The following KIF24 variants were observed in gnomAD, a reference collection of about 807,000 sequenced individuals.
KIF24 encodes kinesin-like protein KIF24.
Under a neutral mutation model 118.9 loss-of-function variants are expected in KIF24, and 81 were observed. The ratio of observed to expected loss-of-function variants is 0.68; its 90% CI spans 0.57 to 0.82. The LOEUF (loss-of-function observed/expected upper bound fraction) is 0.82, where lower values mean the gene tolerates loss of function less well. Among genes scored for constraint, KIF24 ranks in the 40% least tolerant of loss-of-function variants. KIF24 has a pLI of 0.00. For missense variants in KIF24, 1,560 were observed against 1,661.6 expected, an observed-to-expected ratio of 0.94 and a Z score of 1.06; for synonymous variants, 599 against 610.0, an observed-to-expected ratio of 0.98 and a Z score of 0.27.
chr9:34,272,117 C>A (rs1050819401), intron 6 of KIF24, among the ~76,000 whole-genome samples, 187 bp from the exon 7 acceptor site: 4 of 152,172 alleles, frequency 2.6e-5, no homozygotes, highest in Non-Finnish European at 5.9e-5. Flanking sequence ...ACAATGAAAA[C>A]AATGTGAAAT....
At chr9:34,274,996 T>TG (rs771868789) in intron 6 of KIF24, among the ~76,000 whole-genome samples, 13 of 152,124 alleles carry the variant, frequency 8.5e-5, no homozygotes, top group African/African-American at 1.4e-4. Flanking sequence ...CCACAGAGGC[T>TG]GGGAAGGGTA....
In KIF24 at chr9:34,318,548, G is replaced by A. The variant is rs777296960; in HGVS notation, c.-25-7177C>T. 14 of 1,093,018 alleles carry A rather than the reference G, an allele frequency of 1.3e-5. No homozygotes were observed. The highest frequency in any genetic ancestry group is 3.7e-5 in the Admixed American group (2 of 53,598). 67.7% of individuals were successfully genotyped at this position (1,093,018 alleles called of 1,614,324 possible). ...AGCCACGCTGGCCGAACACAGCGCCGGCCTGGCCTTCAGCCTGTACCAGGC... is the reference window on the plus strand; with the variant it reads ...AGCCACGCTGGCCGAACACAGCGCCAGCCTGGCCTTCAGCCTGTACCAGGC... On this transcript the variant is annotated intron_variant, in intron 1 of 12. Transcript: ENST00000402558. This position sits in a 1 kb window ranked among gnomAD's most constrained non-coding sequence, Gnocchi z 4.9.
At chr9:34,319,755 C>T (rs1837454582) in intron 1 of KIF24, 4 of 620,906 alleles carry the variant, frequency 6.4e-6, no homozygotes, top group Non-Finnish European at 1.2e-5. Context: ...AGCTTGGATA[C>T]TCCATGGGTG....
intron 4 of KIF24, among the ~76,000 whole-genome samples, chr9:34,291,422 C>T (rs1836250324): frequency 6.6e-6 from 1 of 152,216 alleles, no homozygotes; most frequent in South Asian, 2.1e-4. Flanking sequence ...CTTCACTTTT[C>T]TCTGTGCCTC....
At chr9:34,276,954 T>TGGTTTAAATGG (rs1351747187) in intron 6 of KIF24, among the ~76,000 whole-genome samples, 1 of 152,240 alleles carries the variant, frequency 6.6e-6, no homozygotes, top group African/African-American at 2.4e-5. Context: ...CTGGTTTAAA[T>TGGTTTAAATGG]GCACTTTCTG....
chr9:34,318,331 C>G lies in KIF24; in HGVS notation c.-25-6960G>C. 9 of 564,694 alleles carry G rather than the reference C, an allele frequency of 1.6e-5. No homozygotes were observed. The East Asian group carries it at 1.8e-4, about 11-fold the overall frequency. The allele number at this position is 564,694 out of a possible 1,614,324, so 35.0% of individuals were successfully genotyped here. ...GACTCCCGTCTTGGAGCCAGCCCAG[C>G]CCAACCCAGCCCAACCCAGCTTGAC... On this transcript the variant is annotated intron_variant, in intron 1 of 12. Coordinates refer to ENST00000402558, the MANE Select transcript of KIF24 (RefSeq NM_194313.4). This position sits in a 1 kb window ranked among gnomAD's most constrained non-coding sequence, Gnocchi z 4.9.
chr9:34,306,085 C>G, intron 3 of KIF24, among the ~76,000 whole-genome samples, 167 bp downstream of exon 3: 1 of 152,114 alleles, frequency 6.6e-6, no homozygotes, highest in Non-Finnish European at 1.5e-5. Flanking sequence ...CCCTGGATAT[C>G]AATGACTTAA....
At chr9:34,260,246 C>A (rs931710523) in intron 9 of KIF24, among the ~76,000 whole-genome samples, 2 of 152,016 alleles carry the variant, frequency 1.3e-5, no homozygotes, top group Non-Finnish European at 2.9e-5. Flanking sequence ...AGGACTTTAT[C>A]CTAAGGAGAT....
At chr9:34,285,604 T>C (rs1178165765) in intron 6 of KIF24, among the ~76,000 whole-genome samples, 4 of 151,270 alleles carry the variant, frequency 2.6e-5, no homozygotes, top group Admixed American at 1.3e-4. Context: ...GAAACCCCGT[T>C]TCTACTAAAA....
chr9:34,296,298 G>A lies in KIF24; in HGVS notation c.911+719C>T, dbSNP rs113177003. Reference sequence around the variant, plus strand: ...TCCCAGTACTTTGGGAGGCCGAGGCGGGCGGATCACGAGGTCAGGAGATGG... The same window carrying A: ...TCCCAGTACTTTGGGAGGCCGAGGCAGGCGGATCACGAGGTCAGGAGATGG... On this transcript the variant is annotated intron_variant, in intron 4 of 12. Transcript: ENST00000402558. Among the ~76,000 whole-genome samples, 305 of 148,506 alleles carry A rather than the reference G, an allele frequency of 2.1e-3. 2 individuals are homozygous for A. The highest frequency in any genetic ancestry group is 6.7e-3 in the African/African-American group (272 of 40,364).
chr9:34,291,681 T>C (rs1316728301), intron 4 of KIF24, among the ~76,000 whole-genome samples: 14 of 152,216 alleles, frequency 9.2e-5, no homozygotes, highest in Admixed American at 9.2e-4. Flanking sequence ...ATCTGAGTGT[T>C]GTGGGATTCA....
chr9:34,287,981 C>A (rs1264882327), intron 5 of KIF24, among the ~76,000 whole-genome samples: 3 of 151,620 alleles, frequency 2.0e-5, no homozygotes, highest in Non-Finnish European at 4.4e-5. Flanking sequence ...ATTTCCCAGG[C>A]CTTAATCTCT....
Position 34,329,223 on chromosome 9 carries a change from G to A in KIF24, c.-143C>T, listed in dbSNP as rs1171171355. Among the ~76,000 whole-genome samples the A allele has an allele frequency of 1.3e-5, 2 of 152,242 alleles. No homozygotes were observed. The highest frequency in any genetic ancestry group is 2.4e-5 in the African/African-American group (1 of 41,468). On this transcript the variant is annotated 5_prime_UTR_variant, in exon 1 of 13. Transcript: ENST00000402558. The stretch of plus-strand genomic sequence containing the variant: ...GTCAACCCGGGAGCCACCGGCGGCG[G>A]CCAGGCCGCATCTCCATGGCAACGC...
chr9:34,262,675 A>AATATATATATATATATATATATAT (rs1428160924), intron 9 of KIF24, among the ~76,000 whole-genome samples: 4 of 27,066 alleles, frequency 1.5e-4, no homozygotes, highest in Non-Finnish European at 2.3e-4. Context: ...AAAAAAAAAA[A>AATATATATATATATATATATATAT]ATATATATAT....
intron 1 of KIF24, among the ~76,000 whole-genome samples, chr9:34,315,425 T>C (rs1163664837): frequency 6.6e-6 from 1 of 152,170 alleles, no homozygotes; most frequent in Non-Finnish European, 1.5e-5. Context: ...GTTACAGCCA[T>C]AAAAACAATC....
At chr9:34,304,754 C>G (rs1306162885) in intron 3 of KIF24, among the ~76,000 whole-genome samples, 1 of 152,068 alleles carries the variant, frequency 6.6e-6, no homozygotes, top group Admixed American at 6.6e-5. Flanking sequence ...CTGTGAAACA[C>G]AATTTTGGTA....
intron 1 of KIF24, among the ~76,000 whole-genome samples, chr9:34,321,010 GAAATA>G (rs1241276402): frequency 4.6e-5 from 7 of 152,064 alleles, no homozygotes; most frequent in African/African-American, 1.7e-4. Flanking sequence ...ATCCTTCTTA[GAAATA>G]GATTAACATA....
At chr9:34,308,251 A>G (rs1228297866) in intron 2 of KIF24, among the ~76,000 whole-genome samples, 2 of 151,518 alleles carry the variant, frequency 1.3e-5, no homozygotes, top group Admixed American at 6.6e-5. Flanking sequence ...TGCAGGCATG[A>G]GCCACTGTGC....
rs144329509 is a variant in KIF24 at position 34,275,708 on chromosome 9, T to G, written c.1216-3778A>C. 8.8e-3 allele frequency among the ~76,000 whole-genome samples: 1,337 copies of G among 151,908 alleles called. 24 individuals carry two copies. The highest frequency in any genetic ancestry group is 0.03 in the African/African-American group (1,245 of 41,438). ...ACAAAAAACTAGCTGGGCATGGTGA[T>G]GCACGCCTGTAGTCCCAGCTACTTG... On this transcript the variant is annotated intron_variant, in intron 6 of 12. Transcript: ENST00000402558.
Sources: gnomAD v4.1 joint callset for allele counts (sites outside exome capture counted in the v4.1 genomes callset) on GRCh38, gnomAD v4.1.1 for gene constraint, Gnocchi (gnomAD v3.1) non-coding constraint, MANE v1.5 for transcripts, NCBI Gene and HGNC (gene_info 2026-07-23, HGNC 2026-07-21) for gene names.